Variants in LDLRAD4 observed in about 807,000 individuals in gnomAD.
LDLRAD4 encodes the protein low density lipoprotein receptor class A domain containing 4.
A neutral mutation model predicts 17.0 loss-of-function variants in LDLRAD4; 5 were observed. The ratio of observed to expected loss-of-function variants is 0.29; its 90% CI spans 0.15 to 0.62. The LOEUF (loss-of-function observed/expected upper bound fraction) is 0.62, where lower values mean the gene tolerates loss of function less well. Ranked by LOEUF, LDLRAD4 falls within the 20% of genes least tolerant of loss-of-function variation. The pLI, the probability that LDLRAD4 is intolerant of heterozygous loss-of-function variation, is 0.84. For synonymous variants in LDLRAD4, 168 were observed against 171.8 expected (o/e 0.98, Z 0.17); for missense variants, 340 against 424.7 (o/e 0.80, Z 1.75).
At chr18:13,475,319 G>T (rs141910940) in intron 3 of LDLRAD4, among the ~76,000 whole-genome samples, 1 of 152,262 alleles carries the variant, frequency 6.6e-6, no homozygotes, top group East Asian at 1.9e-4. Context: ...TGGAGCCCAG[G>T]AGCTCAAGGC....
At chr18:13,578,825 G>GTTTTTTTTTTTTTT (rs1286958694) in intron 3 of LDLRAD4, among the ~76,000 whole-genome samples, 5 of 49,880 alleles carry the variant, frequency 1.0e-4, no homozygotes, top group African/African-American at 3.5e-4. Flanking sequence ...AGTTGTCCGG[G>GTTTTTTTTTTTTTT]TCTTTTTTTT....
chr18:13,592,893 A>G (rs763811475), intron 3 of LDLRAD4, among the ~76,000 whole-genome samples: 3 of 152,262 alleles, frequency 2.0e-5, no homozygotes, highest in Non-Finnish European at 2.9e-5. Context: ...GCAATTCTTA[A>G]GCATTTAGTA....
chr18:13,443,995 G>A (rs1201833058), intron 3 of LDLRAD4, among the ~76,000 whole-genome samples: 2 of 152,142 alleles, frequency 1.3e-5, no homozygotes, highest in Non-Finnish European at 2.9e-5. Flanking sequence ...AGGCATTTGG[G>A]GTTGCAAAAC....
intron 1 of LDLRAD4, among the ~76,000 whole-genome samples, chr18:13,257,093 A>G (rs983448533): frequency 2.6e-5 from 4 of 152,236 alleles, no homozygotes; most frequent in African/African-American, 9.6e-5. Context: ...AATCATTTCC[A>G]GTTAAAACGT....
intron 3 of LDLRAD4, among the ~76,000 whole-genome samples, chr18:13,544,706 G>A (rs2094334631): frequency 2.0e-5 from 3 of 152,128 alleles, no homozygotes; most frequent in Non-Finnish European, 4.4e-5. Context: ...TGACAGTGAA[G>A]CTAAAGTCCG....
intron 3 of LDLRAD4, among the ~76,000 whole-genome samples, chr18:13,450,123 A>C (rs1048422841): frequency 4.6e-5 from 7 of 152,284 alleles, no homozygotes; most frequent in Middle Eastern, 3.4e-3. Context: ...CCAGAATTTT[A>C]AATGCCAATC....
chr18:13,403,751 GGGTGTA>G (rs1409959779), intron 2 of LDLRAD4, among the ~76,000 whole-genome samples: 1 of 152,254 alleles, frequency 6.6e-6, no homozygotes, highest in Non-Finnish European at 1.5e-5. Context: ...ATAGGAGCCA[GGGTGTA>G]AATGAACAGA....
intron 1 of LDLRAD4, among the ~76,000 whole-genome samples, chr18:13,309,233 C>T (rs9960460): frequency 0.82 from 124,910 of 152,202 alleles, 52,693 homozygotes; most frequent in East Asian, 0.92. Flanking sequence ...ACAGGGAAGA[C>T]CTCTGGCTTT....
At position 13,612,415 on chromosome 18, in the gene LDLRAD4, G is replaced by A. The variant is rs1173709993; in HGVS notation, c.182-8702G>A. On this transcript the variant is annotated intron_variant, in intron 3 of 5. Coordinates refer to ENST00000359446, the Ensembl canonical transcript of LDLRAD4. ...GCCGGCTTCCTGCCGCAGAGCTCCT[G>A]GTTTCTGTTGATGGCAGTTGATAAT... 8.9e-6 allele frequency: 11 copies of A among 1,237,484 alleles called. No individual in the cohort carries two copies. In the African/African-American group the frequency reaches 1.2e-4, roughly 14 times the overall value. The allele number at this position is 1,237,484 out of a possible 1,614,324, so 76.7% of individuals were successfully genotyped here.
chr18:13,325,264 A>G (rs915351987), intron 1 of LDLRAD4, among the ~76,000 whole-genome samples: 1 of 151,950 alleles, frequency 6.6e-6, no homozygotes, highest in African/African-American at 2.4e-5. Context: ...TTTTCCTTTC[A>G]CATTTTGAAG....
At chr18:13,277,934 TC>T, upstream of LDLRAD4, among the ~76,000 whole-genome samples, 1 of 152,324 alleles carries the variant, frequency 6.6e-6, no homozygotes, top group East Asian at 1.9e-4. Flanking sequence ...AATTCTTCTC[TC>T]TTCCTTCCCT....
At chr18:13,446,943 G>A (rs1471819581) in intron 3 of LDLRAD4, among the ~76,000 whole-genome samples, 3 of 152,236 alleles carry the variant, frequency 2.0e-5, no homozygotes, top group Non-Finnish European at 1.5e-5. Context: ...CCATGTTGAC[G>A]TTGCTGACTG....
chr18:13,342,828 G>A (rs981852986), intron 1 of LDLRAD4, among the ~76,000 whole-genome samples: 4 of 151,618 alleles, frequency 2.6e-5, no homozygotes, highest in African/African-American at 9.7e-5. Flanking sequence ...TGATTAGGGA[G>A]TTTAATCTGT....
At chr18:13,329,981 A>G (rs1207865994) in intron 1 of LDLRAD4, among the ~76,000 whole-genome samples, 4 of 131,024 alleles carry the variant, frequency 3.1e-5, no homozygotes, top group African/African-American at 2.8e-5. Context: ...TTTTTGAGAC[A>G]GTCTCACTCT....
intron 1 of LDLRAD4, among the ~76,000 whole-genome samples, chr18:13,317,962 T>C (rs573970371): frequency 5.8e-4 from 88 of 152,348 alleles, no homozygotes; most frequent in Non-Finnish European, 1.0e-3. Flanking sequence ...TCTTTATCAG[T>C]GTACACAGTT....
chr18:13,375,974 G>A (rs1419043444), intron 1 of LDLRAD4, among the ~76,000 whole-genome samples: 2 of 152,220 alleles, frequency 1.3e-5, no homozygotes, highest in African/African-American at 4.8e-5. Context: ...TATTTGGGGA[G>A]CAGTGGCCCA....
At chr18:13,480,606 G>A (rs551674635) in intron 3 of LDLRAD4, among the ~76,000 whole-genome samples, 23 of 152,264 alleles carry the variant, frequency 1.5e-4, no homozygotes, top group East Asian at 3.9e-4. Flanking sequence ...GTAATGATGC[G>A]CCACTCTGTG....
chr18:13,302,528 C>T (rs563804808), intron 1 of LDLRAD4, among the ~76,000 whole-genome samples: 1 of 152,298 alleles, frequency 6.6e-6, no homozygotes, highest in East Asian at 1.9e-4. Flanking sequence ...GCTGTTTCAG[C>T]CTCAGAGACC....
intron 3 of LDLRAD4, among the ~76,000 whole-genome samples, chr18:13,566,851 A>C (rs2094609606): frequency 6.6e-6 from 1 of 152,238 alleles, no homozygotes; most frequent in Non-Finnish European, 1.5e-5. Context: ...TTAGAGTAGC[A>C]TGGAAAGTGG....
Sources: allele counts gnomAD v4.1 joint callset (sites outside exome capture counted in the v4.1 genomes callset), GRCh38; gene constraint gnomAD v4.1.1; transcripts MANE v1.5; gene names NCBI Gene and HGNC (gene_info 2026-07-23, HGNC 2026-07-21).